The following FBN2 variants were observed in gnomAD, a reference collection of about 807,000 sequenced individuals.
The protein encoded by FBN2 is fibrillin 2, also known as fibrillin-2.
Under a neutral mutation model 355.6 loss-of-function variants are expected in FBN2, and 105 were observed. The ratio of observed to expected loss-of-function variants is 0.30; its 90% CI spans 0.25 to 0.35. The LOEUF is 0.35. Among genes scored for constraint, FBN2 ranks in the 10% least tolerant of loss-of-function variants. The probability of loss-of-function intolerance (pLI) is 1.00; values close to 1 mark genes in which losing one functional copy is unlikely to be tolerated. For synonymous variants in FBN2, 1,350 were observed against 1,301.2 expected, an observed-to-expected ratio of 1.04 and a Z score of -0.81; for missense variants, 3,280 against 3,758.7, an observed-to-expected ratio of 0.87 and a Z score of 3.33.
Position 128,338,104 on chromosome 5 carries a change from C to A in FBN2, c.3491G>T (p.Arg1164Leu), listed in dbSNP as rs1297011367. The A allele has an allele frequency of 2.5e-6, 4 of 1,613,876 alleles. No individual in the cohort carries two copies. The highest frequency in any genetic ancestry group is 3.4e-6 in the Non-Finnish European group (4 of 1,179,924). Reference protein sequence around the residue: ...KNCMDIDECERNPLLCRGGTC... With the variant: ...KNCMDIDECELNPLLCRGGTC... ...GCCACCCCTACAAAGGAGAGGGTTA[C>A]GTTCACATTCGTCAATGTCTGAAAG... is the stretch of plus-strand genomic sequence containing the variant. Residue 1164 changes from arginine (R) to leucine (L), a missense_variant, in exon 27 of 65, where the codon CGT becomes CTT. Physicochemically the swap from Arg to Leu is moderately radical, Grantham distance 102. Around this residue, in one of 6 missense-constraint regions of FBN2, gnomAD observed 2,284 missense variants for 2,749.5 expected, o/e 0.83. Coordinates refer to ENST00000262464, the MANE Select transcript of FBN2 (RefSeq NM_001999.4).
intron 14 of FBN2, among the ~76,000 whole-genome samples, chr5:128,375,764 G>A (rs534469918): frequency 5.8e-4 from 88 of 152,262 alleles, no homozygotes; most frequent in Admixed American, 1.3e-3. Flanking sequence ...GGCCAGGTGC[G>A]ATGGCTCATG....
At chr5:128,401,973 G>T (rs763023398) in intron 8 of FBN2, among the ~76,000 whole-genome samples, 1 of 152,046 alleles carries the variant, frequency 6.6e-6, no homozygotes, top group Non-Finnish European at 1.5e-5. Context: ...CAAAAAGGAG[G>T]CAGGCAACCT....
At chr5:128,309,882 G>C (rs1749985197) in intron 40 of FBN2, 101 bp downstream of exon 40, 1 of 1,321,676 alleles carries the variant, frequency 7.6e-7, no homozygotes, top group African/African-American at 1.4e-5. Context: ...AATTCACGAA[G>C]ACTGAACTTC....
chr5:128,344,673 T>A (rs1751120575), intron 24 of FBN2, among the ~76,000 whole-genome samples, 163 bp from the exon 25 acceptor site: 1 of 151,986 alleles, frequency 6.6e-6, no homozygotes. Flanking sequence ...ACAGGAAGTT[T>A]CAATATGGTG....
chr5:128,530,084 C>T (rs949039478), intron 3 of FBN2, among the ~76,000 whole-genome samples: 1 of 152,180 alleles, frequency 6.6e-6, no homozygotes, highest in African/African-American at 2.4e-5. Context: ...ATCTTAAATA[C>T]TAGCCTCAAA....
chr5:128,357,965 C>A (rs773978340), intron 19 of FBN2, among the ~76,000 whole-genome samples: 1 of 151,810 alleles, frequency 6.6e-6, no homozygotes, highest in Non-Finnish European at 1.5e-5. Flanking sequence ...TTTTTTAATA[C>A]AACTAATTTT....
chr5:128,487,364 G>A (rs1323078241), intron 5 of FBN2, among the ~76,000 whole-genome samples: 3 of 152,032 alleles, frequency 2.0e-5, no homozygotes, highest in Non-Finnish European at 2.9e-5. Context: ...AGATTTTTAC[G>A]GTTGGTTGTT....
intron 2 of FBN2, among the ~76,000 whole-genome samples, chr5:128,534,650 A>T (rs1202787065): frequency 6.6e-6 from 1 of 152,204 alleles, no homozygotes; most frequent in Non-Finnish European, 1.5e-5. Context: ...CAAGTCTCAG[A>T]AATGCAGATT....
At chr5:128,427,238 C>T (rs13190457) in intron 7 of FBN2, among the ~76,000 whole-genome samples, 25,521 of 151,976 alleles carry the variant, frequency 0.17, 2,251 homozygotes, top group Non-Finnish European at 0.21. Context: ...TGAGTTCCTT[C>T]GAGAGAAAGT....
chr5:128,397,770 A>G (rs924238334), intron 8 of FBN2, among the ~76,000 whole-genome samples: 3 of 152,134 alleles, frequency 2.0e-5, no homozygotes, highest in African/African-American at 7.2e-5. Context: ...TGAACAACTA[A>G]TTTCACCTTT....
At chr5:128,334,868 T>TTAG (rs771827003) in intron 30 of FBN2, 24 bp from the exon 31 acceptor site, 1 of 1,588,912 alleles carries the variant, frequency 6.3e-7, no homozygotes, top group Non-Finnish European at 8.6e-7. Flanking sequence ...TTTCAATATC[T>TTAG]TAGTATGTGC....
At chr5:128,492,465 A>T (rs1039734540) in intron 5 of FBN2, among the ~76,000 whole-genome samples, 1 of 152,204 alleles carries the variant, frequency 6.6e-6, no homozygotes, top group Non-Finnish European at 1.5e-5. Context: ...GACATCAGAG[A>T]CCTTTTACAA....
At chr5:128,268,461 T>C (rs1339715858) in intron 62 of FBN2, among the ~76,000 whole-genome samples, 1 of 152,174 alleles carries the variant, frequency 6.6e-6, no homozygotes, top group Non-Finnish European at 1.5e-5. Context: ...GAGGAGCTGG[T>C]ACCATTCCTT....
At position 128,310,039 on chromosome 5, in the gene FBN2, T is replaced by A. The variant is rs1432048421; in HGVS notation, c.5144A>T (p.Tyr1715Phe). 6.2e-7 allele frequency: 1 copy of A among 1,613,842 alleles called. No individual in the cohort carries two copies. Among genetic ancestry groups the A allele is most frequent in the Non-Finnish European group, 8.5e-7 (1 of 1,179,748 alleles). ...GTACTCAGGTGGGCAAATGCAGGTGTAATTTCCCAGGGTGTTATAGCAGGT... is the reference window on the plus strand; with the variant it reads ...GTACTCAGGTGGGCAAATGCAGGTGAAATTTCCCAGGGTGTTATAGCAGGT... Reference protein sequence around the residue: ...PGTCYNTLGNYTCICPPEYMQ... With the variant: ...PGTCYNTLGNFTCICPPEYMQ... Residue 1715 changes from tyrosine to phenylalanine, a missense_variant, in exon 40 of 65, where the codon TAC (tyrosine) becomes TTC (phenylalanine). Coordinates refer to ENST00000262464, the MANE Select transcript of FBN2 (RefSeq NM_001999.4).
chr5:128,369,496 C>T (rs560112715), intron 15 of FBN2, among the ~76,000 whole-genome samples, 162 bp from the exon 16 acceptor site: 1 of 152,128 alleles, frequency 6.6e-6, no homozygotes, highest in South Asian at 2.1e-4. Flanking sequence ...GTTAGGAAAT[C>T]AACAAATGTT....
intron 6 of FBN2, among the ~76,000 whole-genome samples, chr5:128,462,774 T>G (rs1754593156): frequency 6.6e-6 from 1 of 152,138 alleles, no homozygotes. Context: ...AAGTCAATAA[T>G]TTGGAATGTT....
intron 6 of FBN2, among the ~76,000 whole-genome samples, chr5:128,453,769 C>T (rs1173759685): frequency 6.6e-6 from 1 of 152,052 alleles, no homozygotes; most frequent in East Asian, 1.9e-4. Flanking sequence ...TTGAAACTTC[C>T]ACAAGGCATA....
In FBN2 at chr5:128,384,043, T is replaced by C. The variant is rs573076601; in HGVS notation, c.1604-5153A>G. On this transcript the variant is annotated intron_variant, in intron 11 of 64. Coordinates refer to ENST00000262464, the MANE Select transcript of FBN2 (RefSeq NM_001999.4). ...AAACTGGAAACAAAATAAGTGCCCA[T>C]CAACTTGGGAATATATAAATAAACT... 1.3e-3 allele frequency among the ~76,000 whole-genome samples: 198 copies of C among 152,152 alleles called. 2 individuals carry two copies. Among genetic ancestry groups the C allele is most frequent in the African/African-American group, 4.5e-3 (187 of 41,512 alleles).
chr5:128,267,588 T>C (rs1435564664), intron 62 of FBN2, among the ~76,000 whole-genome samples: 1 of 152,252 alleles, frequency 6.6e-6, no homozygotes, highest in Non-Finnish European at 1.5e-5. Context: ...TGAGCTTTTT[T>C]TCATATGTTT....
Sources: gnomAD v4.1 joint callset for allele counts (sites outside exome capture counted in the v4.1 genomes callset) on GRCh38, gnomAD v4.1.1 for gene constraint, gnomAD v4.1.1 regional missense constraint, MANE v1.5 for transcripts, NCBI Gene and HGNC (gene_info 2026-07-23, HGNC 2026-07-21) for gene names.